The following SLC22A11 variants were observed in gnomAD, a reference collection of about 807,000 sequenced individuals.
SLC22A11 encodes the protein organic anion transporter 4.
In SLC22A11, 42 loss-of-function variants were observed where a neutral mutation model predicts 49.4. The ratio of observed to expected loss-of-function variants is 0.85; its 90% CI spans 0.66 to 1.10. The LOEUF (loss-of-function observed/expected upper bound fraction) is 1.10. SLC22A11 is among the 50% of genes least tolerant of loss of function. SLC22A11 has a pLI of 0.00. For synonymous variants in SLC22A11, 304 were observed against 315.8 expected, an observed-to-expected ratio of 0.96 and a Z score of 0.40; for missense variants, 685 against 731.6, an observed-to-expected ratio of 0.94 and a Z score of 0.74.
intron 1 of SLC22A11, 51 bp downstream of exon 1, chr11:64,556,443 T>A: frequency 6.3e-7 from 1 of 1,590,338 alleles, no homozygotes; most frequent in Non-Finnish European, 8.5e-7. Flanking sequence ...GAGGTCAGAG[T>A]CATGGATCAG....
At chr11:64,559,371 C>T (rs1460920207) in intron 2 of SLC22A11, 133 bp downstream of exon 2, 6 of 717,748 alleles carry the variant, frequency 8.4e-6, no homozygotes, top group Non-Finnish European at 1.3e-5. Context: ...TCTGTTTCTT[C>T]CCTCCCCTGG....
rs763731402 is a variant in SLC22A11 at position 64,556,407 on chromosome 11, A to T, written c.393+15A>T. 2.1e-5 allele frequency: 34 copies of T among 1,607,898 alleles called. No individual in the cohort carries two copies. In the African/African-American group the frequency reaches 3.9e-4, roughly 18 times the overall value. On this transcript the variant is annotated intron_variant, in intron 1 of 9. Coordinates refer to ENST00000301891, the MANE Select transcript of SLC22A11 (RefSeq NM_018484.4). ...TCGTGGCCAAGGTAGGGCCTCCCCC[A>T]GAGCCACTCGAGTCCCGTCACCTTG...
Position 64,564,227 on chromosome 11 carries a change from TC to T in SLC22A11, c.822-79del. 6.4e-7 allele frequency: 1 copy of T among 1,552,502 alleles called. No homozygotes were observed. The highest frequency in any genetic ancestry group is 1.2e-5 in the South Asian group (1 of 85,128). ...CTCATCACTCATCTCAGCTGGAGGGTCCGTGCCCACTGCCCCTTTCCACCCC... is the reference window on the plus strand; with the variant it reads ...CTCATCACTCATCTCAGCTGGAGGGTCGTGCCCACTGCCCCTTTCCACCCC... On this transcript the variant is annotated intron_variant, in intron 4 of 9. Coordinates refer to ENST00000301891, the MANE Select transcript of SLC22A11 (RefSeq NM_018484.4). The surrounding 1 kb of genome is among the most constrained non-coding windows in gnomAD (Gnocchi z 4.2).
chr11:64,566,906 A>C (rs540754436), intron 6 of SLC22A11, among the ~76,000 whole-genome samples: 3 of 152,306 alleles, frequency 2.0e-5, no homozygotes, highest in African/African-American at 7.2e-5. Context: ...TGAGAATTTA[A>C]ATACCGTAAA....
rs75540378 is a variant in SLC22A11, at chr11:64,556,360, C to T, written c.361C>T (p.Arg121Cys). The T allele has an allele frequency of 3.3e-5, 54 of 1,612,340 alleles. 1 individual carries two copies. Among genetic ancestry groups the T allele is most frequent in the East Asian group, 8.9e-5 (4 of 44,874 alleles). The change falls in exon 1 of 10, where the codon CGC becomes TGC. Residue 121 changes from arginine to cysteine, a missense_variant. By Grantham distance (180) the Arg-to-Cys change is radical. Transcript: ENST00000301891. ...GTGTGTGGACGGCTGGGTCTATGACCGCAGCGTCTTCACCTCCACCATCGT... is the reference window on the plus strand; with the variant it reads ...GTGTGTGGACGGCTGGGTCTATGACTGCAGCGTCTTCACCTCCACCATCGT... Reference protein sequence around the residue: ...EPCVDGWVYDRSVFTSTIVAK... With the variant: ...EPCVDGWVYDCSVFTSTIVAK...
intron 2 of SLC22A11, among the ~76,000 whole-genome samples, chr11:64,559,845 C>T (rs2038517752): frequency 6.6e-6 from 1 of 152,182 alleles, no homozygotes; most frequent in African/African-American, 2.4e-5. Flanking sequence ...CCAGGGCCAG[C>T]CGGCAGGACT....
rs1257522826 is a variant in SLC22A11 at position 64,564,765 on chromosome 11, T to A, written c.942+337T>A. On this transcript the variant is annotated intron_variant, in intron 5 of 9. Transcript: ENST00000301891. The surrounding 1 kb of genome is among the most constrained non-coding windows in gnomAD (Gnocchi z 4.2). The stretch of plus-strand genomic sequence containing the variant: ...ATCTCCACCACCTTCACCACCATCG[T>A]CACCATCGGTAACAGCACCATCATT... Among the ~76,000 whole-genome samples the A allele has an allele frequency of 6.6e-6, 1 of 151,836 alleles. No homozygotes were observed. The highest frequency in any genetic ancestry group is 1.5e-5 in the Non-Finnish European group (1 of 67,962).
chr11:64,557,627 C>CTT (rs766276214), intron 1 of SLC22A11, among the ~76,000 whole-genome samples: 626 of 103,992 alleles, frequency 6.0e-3, no homozygotes, highest in Non-Finnish European at 7.1e-3. Context: ...TTTTCTTTCT[C>CTT]TTTTTTTTTT....
At chr11:64,559,009 C>T (rs555962592) in intron 1 of SLC22A11, 126 bp from the exon 2 acceptor site, 2 of 782,936 alleles carry the variant, frequency 2.6e-6, no homozygotes, top group African/African-American at 1.7e-5. Flanking sequence ...CCAGCAGGTC[C>T]TCTCTACCTC....
chr11:64,557,243 AC>A (rs1399549486), intron 1 of SLC22A11, among the ~76,000 whole-genome samples: 1 of 152,230 alleles, frequency 6.6e-6, no homozygotes, highest in African/African-American at 2.4e-5. Flanking sequence ...AAAGGAAAAC[AC>A]AGAGAGGTTA....
intron 2 of SLC22A11, among the ~76,000 whole-genome samples, chr11:64,560,916 TAGATCTCTTCCCTTCTCTGG>T (rs2038534627): frequency 6.6e-6 from 1 of 152,274 alleles, no homozygotes; most frequent in East Asian, 1.9e-4. Flanking sequence ...TCCTACAAGG[TAGATCTCTTCCCTTCTCTGG>T]AGATCTCTTC....
intron 1 of SLC22A11, 31 bp downstream of exon 1, chr11:64,556,423 C>G (rs767311874): frequency 5.6e-6 from 9 of 1,603,396 alleles, no homozygotes; most frequent in Non-Finnish European, 7.6e-6. Flanking sequence ...ACTCGAGTCC[C>G]GTCACCTTGG....
intron 7 of SLC22A11, among the ~76,000 whole-genome samples, chr11:64,568,336 C>G (rs2038656047): frequency 6.6e-6 from 1 of 151,492 alleles, no homozygotes; most frequent in Non-Finnish European, 1.5e-5. Flanking sequence ...GTGGACCGGG[C>G]CCGGCGCTCT....
At chr11:64,556,606 T>C (rs1245661320) in intron 1 of SLC22A11, among the ~76,000 whole-genome samples, 3 of 152,024 alleles carry the variant, frequency 2.0e-5, no homozygotes, top group Admixed American at 2.0e-4. Flanking sequence ...GGCACCTGGG[T>C]GGGCACCTCT....
At chr11:64,568,846 A>G (rs1005213694) in intron 8 of SLC22A11, 68 bp downstream of exon 8, 1 of 1,428,586 alleles carries the variant, frequency 7.0e-7, no homozygotes, top group South Asian at 1.1e-5. Context: ...GGGAAGGGAA[A>G]GAAGGGTCTG....
chr11:64,565,699 T>C lies in SLC22A11; in HGVS notation c.1058+362T>C. The stretch of plus-strand genomic sequence containing the variant: ...ACCACTGTGTGTCATCGTTAGAGAC[T>C]TACCACTTTCCTAGAGACCATGGCC... On this transcript the variant is annotated intron_variant, in intron 6 of 9. Transcript: ENST00000301891. The surrounding 1 kb of genome is among the most constrained non-coding windows in gnomAD (Gnocchi z 4.1). The C allele has an allele frequency of 2.6e-6, 1 of 381,566 alleles. No homozygotes were observed. Among genetic ancestry groups the C allele is most frequent in the Middle Eastern group, 3.7e-4 (1 of 2,702 alleles). The allele number at this position is 381,566 out of a possible 1,614,324, so 23.6% of individuals were successfully genotyped here.
chr11:64,567,521 CCTGGT>C, intron 6 of SLC22A11, 73 bp from the exon 7 acceptor site: 1 of 1,390,908 alleles, frequency 7.2e-7, no homozygotes, highest in African/African-American at 1.4e-5. Flanking sequence ...CCAGGCAGCT[CCTGGT>C]GGGAGGTGCT....
Position 64,567,669 on chromosome 11 carries a change from C to T in SLC22A11, c.1129C>T (p.Leu377Phe), listed in dbSNP as rs146774095. 7.1e-5 allele frequency: 115 copies of T among 1,614,034 alleles called. No individual in the cohort carries two copies. Among genetic ancestry groups the T allele is most frequent in the Non-Finnish European group, 9.6e-5 (113 of 1,180,054 alleles). The change falls in exon 7 of 10, where the codon CTC becomes TTC. Residue 377 changes from leucine (L) to phenylalanine (F), a missense_variant. Physicochemically the swap from Leu to Phe is conservative, Grantham distance 22. Coordinates refer to ENST00000301891, the MANE Select transcript of SLC22A11 (RefSeq NM_018484.4). ...GAGCCTGGGCCGTGACATCTTCCTC[C>T]TCCAGGCCCTCTTCGGGGCCGTGGA... ...LQSLGRDIFL[L>F]QALFGAVDFL...
intron 2 of SLC22A11, 146 bp from the exon 3 acceptor site, chr11:64,561,858 G>A (rs1052019246): frequency 2.2e-6 from 2 of 895,866 alleles, no homozygotes; most frequent in Admixed American, 2.8e-5. Context: ...AGCACTCTGA[G>A]TGTACCCCTA....
Sources: gnomAD v4.1 joint callset for allele counts (sites outside exome capture counted in the v4.1 genomes callset) on GRCh38, gnomAD v4.1.1 for gene constraint, Gnocchi (gnomAD v3.1) non-coding constraint, MANE v1.5 for transcripts, NCBI Gene and HGNC (gene_info 2026-07-23, HGNC 2026-07-21) for gene names.